Variants in SYNPO2 observed in about 807,000 individuals in gnomAD.
The protein encoded by SYNPO2 is synaptopodin 2.
Under a neutral mutation model 85.0 loss-of-function variants are expected in SYNPO2, and 56 were observed. The observed-to-expected ratio is 0.66, with a 90% CI of 0.53 to 0.82. SYNPO2 has a LOEUF of 0.82. Ranked by LOEUF, SYNPO2 falls within the 40% of genes least tolerant of loss-of-function variation. SYNPO2 has a pLI of 0.00. For synonymous variants in SYNPO2, 602 were observed against 591.1 expected (o/e 1.02, Z -0.27); for missense variants, 1,575 against 1,534.2 (o/e 1.03, Z -0.44).
At chr4:119,055,160 T>A (rs1201622555) in intron 4 of SYNPO2, among the ~76,000 whole-genome samples, 2 of 148,442 alleles carry the variant, frequency 1.3e-5, no homozygotes, top group East Asian at 1.9e-4. Context: ...TTTATTTATT[T>A]TTTTTTTTTG....
In SYNPO2 at chr4:119,030,658, C is replaced by T. The variant is rs145367728; in HGVS notation, c.1883C>T (p.Pro628Leu). ...CCACCTTACTCTGCAGTCACTCCTC[C>T]CCCTGACGCCTTCTCCAGAGGGGTT... is the stretch of plus-strand genomic sequence containing the variant. Reference protein sequence around the residue: ...APPPYSAVTPPPDAFSRGVSS... With the variant: ...APPPYSAVTPLPDAFSRGVSS... Residue 628 changes from proline to leucine, a missense_variant, in exon 4 of 5, where the codon CCC (proline) becomes CTC (leucine). Physicochemically the swap from Pro to Leu is moderately conservative, Grantham distance 98 (BLOSUM62 -3). Transcript: ENST00000307142. 1.2e-6 allele frequency: 2 copies of T among 1,614,156 alleles called. No homozygotes were observed. The highest frequency in any genetic ancestry group is 3.3e-5 in the Admixed American group (2 of 60,026).
At chr4:118,961,381 C>G (rs1735087848) in intron 1 of SYNPO2, among the ~76,000 whole-genome samples, 1 of 152,174 alleles carries the variant, frequency 6.6e-6, no homozygotes, top group Admixed American at 6.5e-5. Flanking sequence ...GACACGCTGG[C>G]TTTTATTTCA....
intron 4 of SYNPO2, among the ~76,000 whole-genome samples, chr4:119,050,261 G>A (rs1210437081): frequency 6.6e-6 from 1 of 152,010 alleles, no homozygotes; most frequent in African/African-American, 2.4e-5. Flanking sequence ...CAACCCGGGA[G>A]GCAGAGGTTG....
intron 1 of SYNPO2, among the ~76,000 whole-genome samples, chr4:118,878,994 C>T (rs1371101804): frequency 6.6e-6 from 1 of 152,178 alleles, no homozygotes; most frequent in Non-Finnish European, 1.5e-5. Context: ...GGCTTCACTC[C>T]TGAAGTCAGC....
intron 3 of SYNPO2, 108 bp from the exon 4 acceptor site, chr4:119,029,737 A>T: frequency 7.8e-7 from 1 of 1,289,292 alleles, no homozygotes; most frequent in Non-Finnish European, 1.0e-6. Flanking sequence ...CTCAATGGCA[A>T]TTTTTTACAT....
rs376467151 is a variant in SYNPO2 at position 118,900,663 on chromosome 4, TTCTCTCTCTCTC to T, written c.105+11552_105+11563del. Reference sequence around the variant, plus strand: ...TTTGTAATCTTACCCTAGAATCTCTTTCTCTCTCTCTCTCTCTCTCTCTCTCTCTCTCTCTCT... The same window carrying T: ...TTTGTAATCTTACCCTAGAATCTCTTTCTCTCTCTCTCTCTCTCTCTCTCT... On this transcript the variant is annotated intron_variant, in intron 1 of 4. Transcript: ENST00000307142. Among the ~76,000 whole-genome samples, 371 of 77,506 alleles carry T rather than the reference TTCTCTCTCTCTC, an allele frequency of 4.8e-3. 4 individuals carry two copies. The highest frequency in any genetic ancestry group is 0.017 in the African/African-American group (328 of 18,942). The allele number at this position is 77,506 out of a possible 152,430, so 50.8% of individuals were successfully genotyped here. A position where few individuals can be genotyped will look rare whatever the true frequency, so the allele number is the denominator to read the frequency against.
At chr4:118,986,821 A>T (rs1424103721) in intron 1 of SYNPO2, among the ~76,000 whole-genome samples, 4 of 152,194 alleles carry the variant, frequency 2.6e-5, no homozygotes, top group Non-Finnish European at 1.5e-5. Context: ...CCATTAAATA[A>T]ATGCCCTGGC....
chr4:118,919,933 A>G (rs1311786410), intron 1 of SYNPO2, among the ~76,000 whole-genome samples: 1 of 152,212 alleles, frequency 6.6e-6, no homozygotes, highest in Non-Finnish European at 1.5e-5. Context: ...GATAATGGCA[A>G]TGGGAATCCA....
At chr4:119,046,389 T>C (rs762758822) in intron 4 of SYNPO2, among the ~76,000 whole-genome samples, 1 of 152,208 alleles carries the variant, frequency 6.6e-6, no homozygotes, top group Non-Finnish European at 1.5e-5. Flanking sequence ...TCAGTGGCAA[T>C]GTTTCTGGCC....
chr4:118,888,944 G>A lies in SYNPO2; in HGVS notation c.-93G>A, dbSNP rs1732271380. On this transcript the variant is annotated 5_prime_UTR_variant, in exon 1 of 5. Coordinates refer to ENST00000307142, the MANE Select transcript of SYNPO2 (RefSeq NM_133477.3). The stretch of plus-strand genomic sequence containing the variant: ...CTGCATTACCCAGTCTTGCGTCCTC[G>A]GCAGGCGCCCGAAGCTGAGTGCGCA... 2 of 1,309,740 alleles carry A rather than the reference G, an allele frequency of 1.5e-6. No homozygotes were observed. Among genetic ancestry groups the A allele is most frequent in the South Asian group, 1.2e-5 (1 of 84,130 alleles). 81.1% of individuals were successfully genotyped at this position (1,309,740 alleles called of 1,614,324 possible).
intron 1 of SYNPO2, among the ~76,000 whole-genome samples, chr4:119,009,558 C>T (rs181455647): frequency 6.6e-6 from 1 of 152,032 alleles, no homozygotes; most frequent in Admixed American, 6.6e-5. Context: ...AATTGATTGC[C>T]CCCCAAAATA....
intron 1 of SYNPO2, among the ~76,000 whole-genome samples, chr4:118,959,340 G>A (rs1455152321): frequency 2.0e-5 from 3 of 152,136 alleles, no homozygotes; most frequent in Non-Finnish European, 2.9e-5. Flanking sequence ...TCAAATGTTC[G>A]CCCTTTGTAG....
intron 1 of SYNPO2, among the ~76,000 whole-genome samples, chr4:118,894,709 C>T (rs1732493786): frequency 6.6e-6 from 1 of 152,006 alleles, no homozygotes; most frequent in Non-Finnish European, 1.5e-5. Flanking sequence ...GTTCAGAGTT[C>T]TTATTCTAAG....
Position 119,030,332 on chromosome 4 carries a change from C to T in SYNPO2, c.1557C>T (p.Ser519=). 1 of 1,614,046 alleles carries T rather than the reference C, an allele frequency of 6.2e-7. No homozygotes were observed. The highest frequency in any genetic ancestry group is 1.1e-5 in the South Asian group (1 of 91,070). Residue 519 remains serine (S), a synonymous_variant, in exon 4 of 5, where the codon AGC becomes AGT. Coordinates refer to ENST00000307142, the MANE Select transcript of SYNPO2 (RefSeq NM_133477.3). ...KEEDKVGGTP[S]REQDAAQTDG... is the part of the protein sequence containing the mutation. Reference sequence around the variant, plus strand: ...AGGACAAGGTAGGTGGAACGCCAAGCAGAGAACAAGATGCTGCCCAGACCG... The same window carrying T: ...AGGACAAGGTAGGTGGAACGCCAAGTAGAGAACAAGATGCTGCCCAGACCG...
chr4:118,917,031 C>T (rs965000317), intron 1 of SYNPO2, among the ~76,000 whole-genome samples: 2 of 152,088 alleles, frequency 1.3e-5, no homozygotes, highest in African/African-American at 4.8e-5. Flanking sequence ...CACCGTGCCC[C>T]GCCCTTCTGC....
In SYNPO2 at chr4:119,060,662, G is replaced by C. The variant is rs1395214642; in HGVS notation, c.*2728G>C. On this transcript the variant is annotated 3_prime_UTR_variant, in exon 5 of 5. Transcript: ENST00000307142. ...ATACCACATTTGTTATAAAGCATTT[G>C]TTTGTTAGTATCAATCACATAGGTA... is the stretch of plus-strand genomic sequence containing the variant. The C allele has an allele frequency of 1.3e-5, 2 of 152,100 alleles. No homozygotes were observed. Among genetic ancestry groups the C allele is most frequent in the Non-Finnish European group, 2.9e-5 (2 of 67,990 alleles). The allele number at this position is 152,100 out of a possible 1,614,324, so 9.4% of individuals were successfully genotyped here. A position where few individuals can be genotyped will look rare whatever the true frequency, so the allele number is the denominator to read the frequency against.
At chr4:118,887,325 G>A (rs1578519864), upstream of SYNPO2, among the ~76,000 whole-genome samples, 1 of 152,224 alleles carries the variant, frequency 6.6e-6, no homozygotes, top group South Asian at 2.1e-4. Context: ...GAGGAGGAAT[G>A]AATGTATGGA....
chr4:118,900,699 CTCTCTATATATATA>C (rs1410239751), intron 1 of SYNPO2, among the ~76,000 whole-genome samples: 266 of 29,380 alleles, frequency 9.1e-3, no homozygotes, highest in South Asian at 0.036. Flanking sequence ...CTCTCTCTCT[CTCTCTATATATATA>C]TATATATATA....
intron 1 of SYNPO2, among the ~76,000 whole-genome samples, chr4:118,974,862 C>G (rs559425031): frequency 6.6e-6 from 1 of 152,298 alleles, no homozygotes; most frequent in East Asian, 1.9e-4. Context: ...AATCCAGGCT[C>G]TCATCACGTT....
Sources: allele counts gnomAD v4.1 joint callset (sites outside exome capture counted in the v4.1 genomes callset), GRCh38; gene constraint gnomAD v4.1.1; transcripts MANE v1.5; gene names NCBI Gene and HGNC (gene_info 2026-07-23, HGNC 2026-07-21).